PSMA6: variants seen among roughly 807,000 people sequenced by gnomAD.
The protein encoded by PSMA6 is proteasome subunit alpha type-6.
For missense variants in PSMA6, 170 were observed against 294.8 expected (o/e 0.58, Z 3.10); for synonymous variants, 88 against 97.7 (o/e 0.90, Z 0.59).
chr14:35,282,525 C>T (rs1041975780), intron 1 of PSMA6, among the ~76,000 whole-genome samples: 3 of 152,102 alleles, frequency 2.0e-5, no homozygotes, highest in African/African-American at 4.8e-5. Flanking sequence ...CCTTCCAAAG[C>T]GCTGGGATTA....
upstream of PSMA6, chr14:35,292,377 A>G (rs2138713006): frequency 6.5e-7 from 1 of 1,533,794 alleles, no homozygotes; most frequent in South Asian, 1.3e-5. Context: ...CGCGGCTGGT[A>G]CCCCGGAAGC....
At position 35,317,382 on chromosome 14, in the gene PSMA6, G is replaced by C; in HGVS notation, c.*76G>C. ...GTAACAACAAACCAACATCATGGAG[G>C]TCCCTGGATTGAAAAAGGAGCCTCT... On this transcript the variant is annotated 3_prime_UTR_variant, in exon 7 of 7. Coordinates refer to ENST00000261479, the MANE Select transcript of PSMA6 (RefSeq NM_002791.3). 1 of 1,331,710 alleles carries C rather than the reference G, an allele frequency of 7.5e-7. No individual in the cohort carries two copies. 82.5% of individuals were successfully genotyped at this position (1,331,710 alleles called of 1,614,324 possible).
chr14:35,282,819 C>T (rs1174593922), intron 1 of PSMA6, among the ~76,000 whole-genome samples: 2 of 151,874 alleles, frequency 1.3e-5, no homozygotes, highest in African/African-American at 4.8e-5. Context: ...CGAGCCACTG[C>T]ACTCCAGCCT....
In PSMA6 at chr14:35,308,001, T is replaced by C. The variant is rs1207185161; in HGVS notation, c.84T>C (p.Ala28=). ...AACTGTTCTGTTTTCCAGAATATGC[T>C]TTTAAGGCTATTAACCAGGGTGGCC... ...PEGRLYQVEY[A]FKAINQGGLT... Residue 28 remains alanine (A), a synonymous_variant, in exon 2 of 7, where the codon GCT becomes GCC. Transcript: ENST00000261479. 4 of 1,613,836 alleles carry C rather than the reference T, an allele frequency of 2.5e-6. No homozygotes were observed. Among genetic ancestry groups the C allele is most frequent in the Non-Finnish European group, 3.4e-6 (4 of 1,179,890 alleles).
intron 1 of PSMA6, among the ~76,000 whole-genome samples, chr14:35,301,976 T>A (rs2051722129): frequency 8.1e-6 from 1 of 123,096 alleles, no homozygotes; most frequent in Admixed American, 7.4e-5. Context: ...CCTGCTCAGC[T>A]TAGGTGATTT....
chr14:35,297,121 T>TTG (rs2051607123), intron 1 of PSMA6, among the ~76,000 whole-genome samples: 1 of 114,416 alleles, frequency 8.7e-6, no homozygotes, highest in Admixed American at 7.9e-5. Flanking sequence ...TTAACAAAGT[T>TTG]TTTTTTTTTT....
chr14:35,284,896 CATCCCAGAGTTTTTAATCTT>C, intron 1 of PSMA6, among the ~76,000 whole-genome samples: 1 of 152,218 alleles, frequency 6.6e-6, no homozygotes, highest in East Asian at 1.9e-4. Context: ...TGTAAGACAT[CATCCCAGAGTTTTTAATCTT>C]TGGAATGTTT....
chr14:35,295,207 C>T (rs1054468519), intron 1 of PSMA6, among the ~76,000 whole-genome samples: 2 of 151,728 alleles, frequency 1.3e-5, no homozygotes, highest in African/African-American at 4.8e-5. Flanking sequence ...CTTGTGCTGG[C>T]GTGCCTGTAG....
intron 1 of PSMA6, among the ~76,000 whole-genome samples, chr14:35,284,517 G>C (rs1026458898): frequency 6.6e-6 from 1 of 152,142 alleles, no homozygotes; most frequent in Admixed American, 6.5e-5. Context: ...ACTCTGGTGG[G>C]GACGCTGTCG....
intron 4 of PSMA6, chr14:35,312,628 T>A (rs1332534379): frequency 1.4e-5 from 6 of 429,826 alleles, no homozygotes; most frequent in Non-Finnish European, 2.4e-5. Context: ...ACACTATTTT[T>A]AAATTGTATT....
intron 1 of PSMA6, among the ~76,000 whole-genome samples, chr14:35,280,980 CA>C (rs1233212115): frequency 3.9e-5 from 6 of 152,284 alleles, no homozygotes; most frequent in African/African-American, 1.4e-4. Flanking sequence ...ATTTTGTCCA[CA>C]ACCTCCTTAC....
At chr14:35,297,858 T>C (rs995987532) in intron 1 of PSMA6, among the ~76,000 whole-genome samples, 1 of 152,194 alleles carries the variant, frequency 6.6e-6, no homozygotes, top group Non-Finnish European at 1.5e-5. Flanking sequence ...ATTTTTCTAG[T>C]ATACAAATGA....
intron 3 of PSMA6, among the ~76,000 whole-genome samples, chr14:35,309,886 C>G (rs540710476): frequency 1.3e-5 from 2 of 151,892 alleles, no homozygotes; most frequent in Non-Finnish European, 2.9e-5. Flanking sequence ...GCAGGAGAAT[C>G]GCTTGAACCC....
At chr14:35,309,251 T>C (rs1339264083) in intron 3 of PSMA6, among the ~76,000 whole-genome samples, 1 of 152,164 alleles carries the variant, frequency 6.6e-6, no homozygotes, top group Non-Finnish European at 1.5e-5. Flanking sequence ...TCATAGATGA[T>C]TTTATCTTAT....
chr14:35,297,455 TC>T (rs887158381), intron 1 of PSMA6, among the ~76,000 whole-genome samples: 1 of 152,142 alleles, frequency 6.6e-6, no homozygotes, highest in African/African-American at 2.4e-5. Context: ...GACCTCGTGA[TC>T]CGCCTGCCTC....
At chr14:35,302,177 T>G (rs2051727558) in intron 1 of PSMA6, among the ~76,000 whole-genome samples, 2 of 151,886 alleles carry the variant, frequency 1.3e-5, no homozygotes, top group African/African-American at 4.8e-5. Context: ...TACCAGAGGG[T>G]TAATGATTTT....
rs926220498 is a variant in PSMA6, at chr14:35,304,503, G to T, written c.77-3491G>T. 2.0e-5 allele frequency among the ~76,000 whole-genome samples: 3 copies of T among 152,066 alleles called. No individual in the cohort carries two copies. In the East Asian group the frequency reaches 5.8e-4, roughly 29 times the overall value. On this transcript the variant is annotated intron_variant, in intron 1 of 6. Coordinates refer to ENST00000261479, the MANE Select transcript of PSMA6 (RefSeq NM_002791.3). ...CCCAGCATCTGGGAGGCCGAGGTGG[G>T]TGTACTACCTGAGGTCAGGAGTTCA...
chr14:35,280,743 G>T (rs2051358091), intron 1 of PSMA6, among the ~76,000 whole-genome samples: 1 of 151,632 alleles, frequency 6.6e-6, no homozygotes, highest in African/African-American at 2.4e-5. Context: ...TTTCGAAATG[G>T]GGTCTCACTG....
chr14:35,311,764 A>G (rs1381054816), intron 4 of PSMA6, among the ~76,000 whole-genome samples: 1 of 152,156 alleles, frequency 6.6e-6, no homozygotes, highest in Non-Finnish European at 1.5e-5. Flanking sequence ...AGTTACATGT[A>G]TAGAATTTAG....
Sources: allele counts gnomAD v4.1 joint callset (sites outside exome capture counted in the v4.1 genomes callset), GRCh38; gene constraint gnomAD v4.1.1; transcripts MANE v1.5; gene names NCBI Gene and HGNC (gene_info 2026-07-23, HGNC 2026-07-21).